Variants in ANKRD36C observed in about 807,000 individuals in gnomAD.
ANKRD36C encodes ankyrin repeat domain 36C.
ANKRD36C carries 61 observed loss-of-function variants against 276.4 expected under a neutral mutation model. The ratio of observed to expected loss-of-function variants is 0.22; its 90% CI spans 0.18 to 0.27. The LOEUF is 0.27. Among genes scored for constraint, ANKRD36C ranks in the 10% least tolerant of loss-of-function variants. ANKRD36C has a pLI of 1.00. For synonymous variants in ANKRD36C, 483 were observed against 680.1 expected, an observed-to-expected ratio of 0.71 and a Z score of 4.51; for missense variants, 1,447 against 2,032.3, an observed-to-expected ratio of 0.71 and a Z score of 5.54.
At chr2:95,938,768 C>A (rs62154560) in intron 22 of ANKRD36C, 61 bp downstream of exon 22, 60,465 of 1,524,372 alleles carry the variant, frequency 0.04, no homozygotes, top group African/African-American at 0.061. Context: ...CAAAAAACTA[C>A]GAGCATTTTC....
intron 6 of ANKRD36C, among the ~76,000 whole-genome samples, chr2:95,973,005 A>G (rs1473009162): frequency 2.0e-5 from 3 of 152,098 alleles, no homozygotes; most frequent in Non-Finnish European, 4.4e-5. Context: ...AACTACTCCA[A>G]CGGCTGAGGC....
chr2:95,923,440 G>T, intron 32 of ANKRD36C, 55 bp downstream of exon 32: 5 of 1,585,154 alleles, frequency 3.2e-6, no homozygotes, highest in Non-Finnish European at 4.3e-6. Flanking sequence ...TCAGGGAAGA[G>T]AAGTTCTTTT....
chr2:95,887,373 C>A (rs1355174809), intron 50 of ANKRD36C, among the ~76,000 whole-genome samples: 3 of 150,964 alleles, frequency 2.0e-5, no homozygotes, highest in African/African-American at 7.3e-5. Context: ...ACGCTAAATG[C>A]CTCTGAAGTG....
intron 56 of ANKRD36C, among the ~76,000 whole-genome samples, chr2:95,881,686 T>G (rs1235239964): frequency 6.6e-6 from 1 of 152,150 alleles, no homozygotes; most frequent in Non-Finnish European, 1.5e-5. Flanking sequence ...TTGATTCCAG[T>G]AGTCATTGGA....
At chr2:95,912,424 T>C in exon 41 of ANKRD36C, 1 of 1,604,870 alleles carries the variant, frequency 6.2e-7, no homozygotes, top group Non-Finnish European at 8.5e-7. Flanking sequence ...GCTGGTTTTT[T>C]CCGAGAAGAC....
At chr2:95,985,864 C>T (rs918768287) in intron 3 of ANKRD36C, among the ~76,000 whole-genome samples, 3 of 152,066 alleles carry the variant, frequency 2.0e-5, no homozygotes, top group Non-Finnish European at 2.9e-5. Context: ...TATTTATAAG[C>T]TCCGTATCTC....
rs1676363254 is a variant in ANKRD36C, at chr2:95,891,655, T to A, written c.2857+10A>T. The A allele has an allele frequency of 6.4e-7, 1 of 1,551,898 alleles. No individual in the cohort carries two copies. Among genetic ancestry groups the A allele is most frequent in the African/African-American group, 1.4e-5 (1 of 73,052 alleles). Reference sequence around the variant, plus strand: ...ACTGAACATGACATTAAATCTCTTTTCAAAATTACCTCTCCTAGTTTTTTC... The same window carrying A: ...ACTGAACATGACATTAAATCTCTTTACAAAATTACCTCTCCTAGTTTTTTC... On this transcript the variant is annotated intron_variant, in intron 46 of 66. Transcript: ENST00000456556.
chr2:95,921,213 T>C (rs1677258669), intron 34 of ANKRD36C, among the ~76,000 whole-genome samples: 6 of 150,704 alleles, frequency 4.0e-5, no homozygotes. Context: ...GTTATTACTA[T>C]CAGTTTTCTG....
intron 52 of ANKRD36C, among the ~76,000 whole-genome samples, chr2:95,885,780 G>T (rs1192691636): frequency 6.6e-6 from 1 of 151,730 alleles, no homozygotes; most frequent in Non-Finnish European, 1.5e-5. Flanking sequence ...GCAAAATGAT[G>T]CTGTCCCCTG....
Position 95,929,064 on chromosome 2 carries a change from A to G in ANKRD36C, c.1837+8T>C, listed in dbSNP as rs568562918. 2.4e-4 allele frequency: 387 copies of G among 1,602,724 alleles called. 1 individual carries two copies. The African/African-American group carries it at 4.6e-3, about 19-fold the overall frequency. ...GAACATGACATTAGAAGTGTTTTGC[A>G]AAATTACCTGTCCCAGATATTGGTC... On this transcript the variant is annotated splice_region_variant and intron_variant, in intron 26 of 66. Coordinates refer to ENST00000456556, the Ensembl canonical transcript of ANKRD36C.
chr2:95,856,514 T>C (rs1288260679), intron 62 of ANKRD36C, among the ~76,000 whole-genome samples: 2 of 152,100 alleles, frequency 1.3e-5, no homozygotes, highest in African/African-American at 2.4e-5. Context: ...CATTAAAAAA[T>C]TGGGTTTACA....
At chr2:95,914,235 T>A (rs752990266) in intron 39 of ANKRD36C, 40 bp downstream of exon 41, 20 of 1,557,652 alleles carry the variant, frequency 1.3e-5, no homozygotes, top group Non-Finnish European at 1.7e-5. Context: ...TCATAGACTA[T>A]GCATTTACTA....
At chr2:95,987,766 C>T (rs775832667) in intron 1 of ANKRD36C, among the ~76,000 whole-genome samples, 2 of 152,072 alleles carry the variant, frequency 1.3e-5, no homozygotes, top group African/African-American at 2.4e-5. Flanking sequence ...GGACTACAGG[C>T]GCCCGCTACC....
At chr2:95,895,154 A>T (rs1193270949) in intron 44 of ANKRD36C, among the ~76,000 whole-genome samples, 10 of 149,184 alleles carry the variant, frequency 6.7e-5, no homozygotes, top group Non-Finnish European at 1.0e-4. Context: ...AGAGCCCCTT[A>T]TGTCTTCAAC....
intron 1 of ANKRD36C, among the ~76,000 whole-genome samples, chr2:95,991,232 C>T (rs968344638): frequency 2.5e-5 from 3 of 122,102 alleles, no homozygotes; most frequent in African/African-American, 9.8e-5. Flanking sequence ...CCCCCTACCC[C>T]CCAAGCCTTC....
chr2:95,878,290 A>G (rs1676000580), intron 58 of ANKRD36C, among the ~76,000 whole-genome samples: 1 of 152,110 alleles, frequency 6.6e-6, no homozygotes, highest in African/African-American at 2.4e-5. Context: ...ATACTTCAAA[A>G]TCAGTGCAAT....
chr2:95,985,165 T>C (rs1487712250), intron 3 of ANKRD36C, among the ~76,000 whole-genome samples: 1 of 152,200 alleles, frequency 6.6e-6, no homozygotes, highest in Non-Finnish European at 1.5e-5. Flanking sequence ...AATGACCCTA[T>C]GAATGGCAGT....
At chr2:95,856,745 C>T (rs550294090) in intron 62 of ANKRD36C, among the ~76,000 whole-genome samples, 1 of 152,224 alleles carries the variant, frequency 6.6e-6, no homozygotes, top group East Asian at 1.9e-4. Context: ...ACGCACAAAT[C>T]AATGAACTCA....
chr2:95,892,480 A>G (rs1676400755), intron 44 of ANKRD36C, among the ~76,000 whole-genome samples: 1 of 151,504 alleles, frequency 6.6e-6, no homozygotes, highest in Admixed American at 6.6e-5. Flanking sequence ...TCTTCTATCC[A>G]CTACTTTAGC....
Sources: gnomAD v4.1 joint callset for allele counts (sites outside exome capture counted in the v4.1 genomes callset) on GRCh38, gnomAD v4.1.1 for gene constraint, MANE v1.5 for transcripts, NCBI Gene and HGNC (gene_info 2026-07-23, HGNC 2026-07-21) for gene names.